Variants in PRKN observed in about 807,000 individuals in gnomAD.
PRKN encodes the protein parkin RBR E3 ubiquitin protein ligase.
In PRKN, 56 loss-of-function variants were observed where a neutral mutation model predicts 59.5. The ratio of observed to expected loss-of-function variants is 0.94; its 90% CI spans 0.76 to 1.18. The LOEUF is 1.18. PRKN is among the 50% of genes most tolerant of loss of function. PRKN has a pLI of 0.00. For missense variants in PRKN, 657 were observed against 596.4 expected, an observed-to-expected ratio of 1.10 and a Z score of -1.06; for synonymous variants, 250 against 222.1, an observed-to-expected ratio of 1.13 and a Z score of -1.12.
intron 1 of PRKN, among the ~76,000 whole-genome samples, chr6:162,492,956 CAAAAAAAA>C (rs34716532): frequency 1.0e-4 from 11 of 110,348 alleles, no homozygotes; most frequent in Admixed American, 4.0e-4. Context: ...TTGTCTCAAA[CAAAAAAAA>C]AAAAAAAAAA....
intron 7 of PRKN, among the ~76,000 whole-genome samples, chr6:161,660,490 A>G (rs1037955365): frequency 6.6e-6 from 1 of 152,248 alleles, no homozygotes; most frequent in Non-Finnish European, 1.5e-5. Flanking sequence ...GTGAAGATCA[A>G]AGACACACAG....
chr6:161,548,837 G>A lies in PRKN; in HGVS notation c.1083+17C>T, dbSNP rs1224654385. On this transcript the variant is annotated intron_variant, in intron 9 of 11. Transcript: ENST00000366898. The surrounding 1 kb of genome is among the most constrained non-coding windows in gnomAD (Gnocchi z 4.2). ...AGGACAGGAACACACCGCTCCAGGG[G>A]TGTGGGCAGTACTCACCCCACAGCC... is the stretch of plus-strand genomic sequence containing the variant. The A allele has an allele frequency of 6.2e-7, 1 of 1,611,002 alleles. No homozygotes were observed. The highest frequency in any genetic ancestry group is 8.5e-7 in the Non-Finnish European group (1 of 1,177,304).
chr6:162,004,920 C>G (rs147308619), intron 5 of PRKN, among the ~76,000 whole-genome samples: 2 of 152,266 alleles, frequency 1.3e-5, no homozygotes, highest in East Asian at 1.9e-4. Flanking sequence ...AGATAATGCT[C>G]TATTTGAATT....
At chr6:162,339,203 C>T (rs1473032202) in intron 2 of PRKN, among the ~76,000 whole-genome samples, 6 of 149,794 alleles carry the variant, frequency 4.0e-5, no homozygotes, top group Non-Finnish European at 8.9e-5. Context: ...AAGTGAGGAG[C>T]GTCTCCGCCC....
chr6:161,956,653 C>G (rs1780180664), intron 6 of PRKN, among the ~76,000 whole-genome samples: 1 of 151,958 alleles, frequency 6.6e-6, no homozygotes, highest in South Asian at 2.1e-4. Context: ...CTTTAATTTC[C>G]TGAATTAAAA....
At chr6:161,726,421 T>C (rs944920257) in intron 7 of PRKN, among the ~76,000 whole-genome samples, 3 of 152,354 alleles carry the variant, frequency 2.0e-5, no homozygotes, top group South Asian at 2.1e-4. Context: ...AAGCACTTAA[T>C]GTGTTATCCG....
In PRKN at chr6:161,900,581, T is replaced by A. The variant is rs1360355128; in HGVS notation, c.734+72721A>T. On this transcript the variant is annotated intron_variant, in intron 6 of 11. Transcript: ENST00000366898. The stretch of plus-strand genomic sequence containing the variant: ...TATATGTTATATATTATGTAATATA[T>A]TATATATTAATATATTATATATTAA... 3.3e-5 allele frequency among the ~76,000 whole-genome samples: 3 copies of A among 91,206 alleles called. No individual in the cohort carries two copies. In the East Asian group the frequency reaches 9.2e-4, roughly 28 times the overall value. 59.8% of individuals were successfully genotyped at this position (91,206 alleles called of 152,430 possible). A position where few individuals can be genotyped will look rare whatever the true frequency, so the allele number is the denominator to read the frequency against.
intron 7 of PRKN, among the ~76,000 whole-genome samples, chr6:161,748,951 G>C (rs1361591288): frequency 1.3e-5 from 2 of 152,156 alleles, no homozygotes; most frequent in African/African-American, 4.8e-5. Context: ...GAAAAGACCA[G>C]ACAAAGCGAA....
rs1786194916 is a variant in PRKN at position 161,385,374 on chromosome 6, C to A, written c.1167+1420G>T. Among the ~76,000 whole-genome samples, 2 of 152,160 alleles carry A rather than the reference C, an allele frequency of 1.3e-5. No individual in the cohort carries two copies. The highest frequency in any genetic ancestry group is 1.3e-4 in the Admixed American group (2 of 15,274). On this transcript the variant is annotated intron_variant, in intron 10 of 11. Transcript: ENST00000366898. The surrounding 1 kb of genome is among the most constrained non-coding windows in gnomAD (Gnocchi z 4.9). ...CATCTATGGTTTAGGTCATCTCTAA[C>A]TTTCTTTTTCCTATTTTTCTGAATC...
intron 1 of PRKN, among the ~76,000 whole-genome samples, chr6:162,544,630 G>A (rs1266837199): frequency 6.7e-6 from 1 of 149,072 alleles, no homozygotes; most frequent in African/African-American, 2.5e-5. Context: ...TCTCTCCTAT[G>A]CGATCTCACA....
chr6:161,535,646 C>T (rs969762980), intron 9 of PRKN, among the ~76,000 whole-genome samples: 4 of 152,200 alleles, frequency 2.6e-5, no homozygotes, highest in Non-Finnish European at 5.9e-5. Context: ...TGTCGGAATA[C>T]GAGTACGATG....
intron 4 of PRKN, among the ~76,000 whole-genome samples, chr6:162,196,025 C>T (rs1266061683): frequency 6.6e-6 from 1 of 152,144 alleles, no homozygotes; most frequent in Non-Finnish European, 1.5e-5. Flanking sequence ...ATTTTCTGTT[C>T]CAAAGACTAG....
At position 161,385,730 on chromosome 6, in the gene PRKN, G is replaced by A. The variant is rs1786211849; in HGVS notation, c.1167+1064C>T. On this transcript the variant is annotated intron_variant, in intron 10 of 11. Transcript: ENST00000366898. The surrounding 1 kb of genome is among the most constrained non-coding windows in gnomAD (Gnocchi z 4.9). Reference sequence around the variant, plus strand: ...CAGCGGTCCTGAGGCAGGGGTCTCTGGGCCATTATTGCTTTTGCTGTCAGT... The same window carrying A: ...CAGCGGTCCTGAGGCAGGGGTCTCTAGGCCATTATTGCTTTTGCTGTCAGT... Among the ~76,000 whole-genome samples the A allele has an allele frequency of 1.3e-5, 2 of 152,162 alleles. No individual in the cohort carries two copies. The highest frequency in any genetic ancestry group is 2.1e-4 in the South Asian group (1 of 4,826).
At chr6:161,617,210 T>C (rs1299286664) in intron 7 of PRKN, among the ~76,000 whole-genome samples, 1 of 152,234 alleles carries the variant, frequency 6.6e-6, no homozygotes, top group Non-Finnish European at 1.5e-5. Flanking sequence ...ATGTCTTCTT[T>C]TGAGAAGTGT....
At chr6:162,629,145 T>C (rs535298484) in intron 1 of PRKN, among the ~76,000 whole-genome samples, 157 of 152,290 alleles carry the variant, frequency 1.0e-3, no homozygotes, top group African/African-American at 3.3e-3. Context: ...CTTTCATACA[T>C]AGATTAAACC....
chr6:162,541,630 G>A (rs73023502), intron 1 of PRKN, among the ~76,000 whole-genome samples: 37,506 of 152,002 alleles, frequency 0.25, 5,765 homozygotes, highest in African/African-American at 0.44. Context: ...GCTGAGAGTG[G>A]CCCAAAGAGC....
intron 1 of PRKN, among the ~76,000 whole-genome samples, chr6:162,616,500 T>C (rs1266439548): frequency 6.6e-6 from 1 of 152,150 alleles, no homozygotes; most frequent in Non-Finnish European, 1.5e-5. Flanking sequence ...GTGGTAAGCA[T>C]ATAATTGTTG....
At chr6:162,144,764 G>A (rs1252117167) in intron 4 of PRKN, among the ~76,000 whole-genome samples, 1 of 152,154 alleles carries the variant, frequency 6.6e-6, no homozygotes, top group Non-Finnish European at 1.5e-5. Context: ...GCTTGCTTGG[G>A]TTGCTAACCC....
At chr6:162,555,671 T>C (rs1425590029) in intron 1 of PRKN, among the ~76,000 whole-genome samples, 1 of 152,120 alleles carries the variant, frequency 6.6e-6, no homozygotes, top group East Asian at 1.9e-4. Context: ...TAAATATTAT[T>C]CCATTGACAT....
Sources: gnomAD v4.1 joint callset for allele counts (sites outside exome capture counted in the v4.1 genomes callset) on GRCh38, gnomAD v4.1.1 for gene constraint, Gnocchi (gnomAD v3.1) non-coding constraint, MANE v1.5 for transcripts, NCBI Gene and HGNC (gene_info 2026-07-23, HGNC 2026-07-21) for gene names.